NKAIN2: variants seen among roughly 807,000 people sequenced by gnomAD.
NKAIN2 encodes the protein sodium/potassium-transporting ATPase subunit beta-1-interacting protein 2.
In NKAIN2, 14 loss-of-function variants were observed where a neutral mutation model predicts 32.6. That is an observed-to-expected ratio of 0.43 (90% CI 0.28 to 0.67). NKAIN2 has a LOEUF of 0.67. Ranked by LOEUF, NKAIN2 falls within the 30% of genes least tolerant of loss-of-function variation. The probability of loss-of-function intolerance (pLI) is 0.17; values close to 1 mark genes in which losing one functional copy is unlikely to be tolerated. For missense variants in NKAIN2, 198 were observed against 258.3 expected, an observed-to-expected ratio of 0.77 and a Z score of 1.60; for synonymous variants, 80 against 87.2, an observed-to-expected ratio of 0.92 and a Z score of 0.46.
chr6:124,097,085 G>A (rs1002717522), intron 1 of NKAIN2, among the ~76,000 whole-genome samples: 5 of 152,070 alleles, frequency 3.3e-5, no homozygotes, highest in Non-Finnish European at 5.9e-5. Context: ...TCAAAATCAA[G>A]GAAAACACAG....
chr6:124,516,888 G>A (rs903218444), intron 3 of NKAIN2, among the ~76,000 whole-genome samples: 8 of 152,094 alleles, frequency 5.3e-5, no homozygotes, highest in Admixed American at 3.9e-4. Context: ...CAATTTTTGT[G>A]AATGTTGGGT....
chr6:124,594,785 G>C (rs74760681), intron 3 of NKAIN2, among the ~76,000 whole-genome samples: 1,803 of 152,200 alleles, frequency 0.012, 17 homozygotes, highest in Non-Finnish European at 0.016. Flanking sequence ...ATGGAGGAGA[G>C]GAGGGAAATA....
intron 1 of NKAIN2, among the ~76,000 whole-genome samples, chr6:124,229,537 C>CA (rs71768430): frequency 0.012 from 1,652 of 134,938 alleles, 33 homozygotes; most frequent in South Asian, 0.045. Context: ...GATAGATAGA[C>CA]AGACAGACAG....
chr6:124,726,326 G>C (rs377654603), intron 4 of NKAIN2, among the ~76,000 whole-genome samples: 6 of 152,164 alleles, frequency 3.9e-5, no homozygotes, highest in Non-Finnish European at 5.9e-5. Flanking sequence ...GCTTTGAAGA[G>C]AGCAGTGGTT....
rs529883841 is a variant in NKAIN2 at position 124,089,619 on chromosome 6, T to C, written c.55-193386T>C. On this transcript the variant is annotated intron_variant, in intron 1 of 6. Coordinates refer to ENST00000368417, the MANE Select transcript of NKAIN2 (RefSeq NM_001040214.3). ...ATACAACCAAATCAAAGCACAAGAC[T>C]ATTGCAGGCAAACTCTGCAAAGAGT... Among the ~76,000 whole-genome samples, 3 of 152,054 alleles carry C rather than the reference T, an allele frequency of 2.0e-5. No individual in the cohort carries two copies. The South Asian group carries it at 6.2e-4, about 32-fold the overall frequency.
chr6:124,744,166 C>T (rs1777354873), intron 4 of NKAIN2, among the ~76,000 whole-genome samples: 1 of 151,790 alleles, frequency 6.6e-6, no homozygotes, highest in Non-Finnish European at 1.5e-5. Flanking sequence ...AACAGCATAG[C>T]CTGATACATC....
intron 1 of NKAIN2, among the ~76,000 whole-genome samples, chr6:124,278,968 A>G (rs545915565): frequency 6.6e-6 from 1 of 152,266 alleles, no homozygotes; most frequent in Non-Finnish European, 1.5e-5. Flanking sequence ...GTGCTAATGT[A>G]TAAAAACCTC....
intron 1 of NKAIN2, among the ~76,000 whole-genome samples, chr6:124,193,167 G>A (rs771906852): frequency 6.6e-6 from 1 of 152,226 alleles, no homozygotes; most frequent in Non-Finnish European, 1.5e-5. Flanking sequence ...TTTTCTGGCT[G>A]GAAACTTGTG....
chr6:124,077,981 G>A (rs1783772699), intron 1 of NKAIN2, among the ~76,000 whole-genome samples: 2 of 152,072 alleles, frequency 1.3e-5, no homozygotes, highest in African/African-American at 2.4e-5. Context: ...CCTTAGCATT[G>A]AGGCTGATTT....
intron 4 of NKAIN2, among the ~76,000 whole-genome samples, chr6:124,690,099 C>T (rs1325299735): frequency 6.6e-6 from 1 of 152,058 alleles, no homozygotes; most frequent in Non-Finnish European, 1.5e-5. Context: ...GCATATTTCT[C>T]CATTTATTTA....
At chr6:123,804,892 TCACAATTAA>T (rs1455915079) in intron 1 of NKAIN2, among the ~76,000 whole-genome samples, 2 of 152,200 alleles carry the variant, frequency 1.3e-5, no homozygotes, top group African/African-American at 4.8e-5. Context: ...AACCTTTAAA[TCACAATTAA>T]CACAGACAAT....
intron 1 of NKAIN2, among the ~76,000 whole-genome samples, chr6:123,981,889 A>G (rs1313193751): frequency 2.0e-5 from 3 of 152,122 alleles, no homozygotes; most frequent in African/African-American, 7.2e-5. Flanking sequence ...CCAGATCAGC[A>G]TATCTTACTA....
intron 3 of NKAIN2, among the ~76,000 whole-genome samples, chr6:124,420,967 G>A (rs977024167): frequency 6.7e-5 from 10 of 150,364 alleles, no homozygotes; most frequent in Non-Finnish European, 1.0e-4. Context: ...ACATGCATAC[G>A]TGATATAAAA....
chr6:124,678,001 G>A (rs1235467917), intron 4 of NKAIN2, among the ~76,000 whole-genome samples: 1 of 151,790 alleles, frequency 6.6e-6, no homozygotes, highest in East Asian at 1.9e-4. Context: ...TTTGCTGGTA[G>A]TGTTTTTTTT....
chr6:124,340,199 A>G (rs1367635129), intron 2 of NKAIN2, among the ~76,000 whole-genome samples: 2 of 152,184 alleles, frequency 1.3e-5, no homozygotes, highest in African/African-American at 4.8e-5. Context: ...ATATGTGACA[A>G]TGAGACAGAA....
chr6:124,684,983 G>T (rs1318818733), intron 4 of NKAIN2, among the ~76,000 whole-genome samples: 1 of 152,102 alleles, frequency 6.6e-6, no homozygotes, highest in Admixed American at 6.6e-5. Context: ...ATAAGATCCA[G>T]CTCATATTGA....
chr6:124,263,237 G>A (rs1219338299), intron 1 of NKAIN2, among the ~76,000 whole-genome samples: 2 of 152,102 alleles, frequency 1.3e-5, no homozygotes, highest in Non-Finnish European at 2.9e-5. Flanking sequence ...TAAAATAAGA[G>A]TTTATTATTT....
intron 4 of NKAIN2, among the ~76,000 whole-genome samples, chr6:124,761,601 C>T (rs1253057412): frequency 6.6e-6 from 1 of 152,158 alleles, no homozygotes; most frequent in Non-Finnish European, 1.5e-5. Context: ...GCTCCTAATT[C>T]TCCTTTACAT....
At chr6:124,706,206 A>C (rs945947) in intron 4 of NKAIN2, among the ~76,000 whole-genome samples, 18 of 151,874 alleles carry the variant, frequency 1.2e-4, no homozygotes, top group African/African-American at 3.9e-4. Context: ...TACTCAACAA[A>C]TGTCTAAACA....
Sources: allele counts gnomAD v4.1 joint callset (sites outside exome capture counted in the v4.1 genomes callset), GRCh38; gene constraint gnomAD v4.1.1; transcripts MANE v1.5; gene names NCBI Gene and HGNC (gene_info 2026-07-23, HGNC 2026-07-21).